WWOX: variants seen among roughly 807,000 people sequenced by gnomAD.
The protein encoded by WWOX is WW domain-containing oxidoreductase.
WWOX carries 69 observed loss-of-function variants against 46.2 expected under a neutral mutation model. The observed-to-expected ratio is 1.49, with a 90% confidence interval of 1.23 to 1.82. The LOEUF is 1.82. Ranked by LOEUF, WWOX falls within the 40% of genes most tolerant of loss-of-function variation. The pLI, the probability that WWOX is intolerant of heterozygous loss-of-function variation, is 0.00. For synonymous variants in WWOX, 359 were observed against 202.6 expected, an observed-to-expected ratio of 1.77 and a Z score of -6.56; for missense variants, 919 against 542.6, an observed-to-expected ratio of 1.69 and a Z score of -6.89.
Position 78,177,455 on chromosome 16 carries a change from C to T in WWOX, c.516+13166C>T, listed in dbSNP as rs558925139. ...TGACTCATGAAAGATGGTCTCCCCA[C>T]GTGCTTTAAAGCAGGATGGTTGCAG... On this transcript the variant is annotated intron_variant, in intron 5 of 8. Coordinates refer to ENST00000566780, the MANE Select transcript of WWOX (RefSeq NM_016373.4). Among the ~76,000 whole-genome samples, 9 of 152,278 alleles carry T rather than the reference C, an allele frequency of 5.9e-5. No homozygotes were observed. In the South Asian group the frequency reaches 1.0e-3, roughly 18 times the overall value.
chr16:78,460,862 T>C (rs372728593), intron 8 of WWOX, among the ~76,000 whole-genome samples: 1 of 152,360 alleles, frequency 6.6e-6, no homozygotes, highest in East Asian at 1.9e-4. Context: ...ACACATCACT[T>C]GCACCTCAGT....
chr16:79,123,387 A>T (rs1046813904), intron 8 of WWOX, among the ~76,000 whole-genome samples: 1 of 152,132 alleles, frequency 6.6e-6, no homozygotes, highest in Non-Finnish European at 1.5e-5. Context: ...ATACATTCGT[A>T]ACTCCCCAGG....
At chr16:78,321,787 G>A (rs1248161501) in intron 5 of WWOX, among the ~76,000 whole-genome samples, 1 of 152,168 alleles carries the variant, frequency 6.6e-6, no homozygotes, top group African/African-American at 2.4e-5. Flanking sequence ...GTCAGTGGCT[G>A]TCGTCTGTTA....
intron 8 of WWOX, among the ~76,000 whole-genome samples, chr16:79,077,692 T>A (rs945708337): frequency 3.3e-5 from 5 of 151,206 alleles, no homozygotes; most frequent in African/African-American, 7.3e-5. Flanking sequence ...TAGCATCTAA[T>A]GAAATACCAG....
At chr16:78,365,637 C>T (rs909394158) in intron 5 of WWOX, among the ~76,000 whole-genome samples, 5 of 152,198 alleles carry the variant, frequency 3.3e-5, no homozygotes, top group African/African-American at 9.7e-5. Context: ...AGACTGCCTA[C>T]CACCTTGTAT....
intron 8 of WWOX, among the ~76,000 whole-genome samples, chr16:79,061,737 T>G (rs745420727): frequency 1.3e-5 from 2 of 152,238 alleles, no homozygotes; most frequent in African/African-American, 2.4e-5. Flanking sequence ...GCTACTTCTC[T>G]TAGAGTCGTT....
chr16:78,638,748 T>G (rs943248287), intron 8 of WWOX, among the ~76,000 whole-genome samples: 1 of 152,182 alleles, frequency 6.6e-6, no homozygotes, highest in Admixed American at 6.5e-5. Flanking sequence ...CAGGGTGCTC[T>G]CTCTCTCTGG....
rs138676552 is a variant in WWOX at position 78,104,824 on chromosome 16, C to T, written c.108-3599C>T. Among the ~76,000 whole-genome samples, 49 of 152,202 alleles carry T rather than the reference C, an allele frequency of 3.2e-4. 1 individual carries two copies. The highest frequency in any genetic ancestry group is 1.2e-3 in the African/African-American group (48 of 41,510). ...GAAAGGTACAGTTCTTAGTTCTTCCCGTGTTAACTCACTCGGTTCTCTATA... is the reference window on the plus strand; with the variant it reads ...GAAAGGTACAGTTCTTAGTTCTTCCTGTGTTAACTCACTCGGTTCTCTATA... On this transcript the variant is annotated intron_variant, in intron 1 of 8. Coordinates refer to ENST00000566780, the MANE Select transcript of WWOX (RefSeq NM_016373.4).
chr16:78,701,299 A>T (rs1349722852), intron 8 of WWOX, among the ~76,000 whole-genome samples: 1 of 151,756 alleles, frequency 6.6e-6, no homozygotes, highest in Non-Finnish European at 1.5e-5. Flanking sequence ...CTGATCTCAA[A>T]CTCCTAAGCT....
chr16:79,086,159 C>T (rs959471830), intron 8 of WWOX, among the ~76,000 whole-genome samples: 4 of 152,068 alleles, frequency 2.6e-5, no homozygotes, highest in African/African-American at 9.7e-5. Context: ...AAACGGATCA[C>T]ATTGCCACTT....
chr16:78,624,501 C>T (rs2046264673), intron 8 of WWOX, among the ~76,000 whole-genome samples: 2 of 152,184 alleles, frequency 1.3e-5, no homozygotes, highest in South Asian at 2.1e-4. Context: ...ATCTTTCCCT[C>T]ACAGGACAAT....
intron 6 of WWOX, among the ~76,000 whole-genome samples, chr16:78,422,603 C>G (rs1229840914): frequency 7.0e-6 from 1 of 142,112 alleles, no homozygotes; most frequent in African/African-American, 2.5e-5. Context: ...GCCTTAGCCT[C>G]CCAAAGTGCT....
intron 8 of WWOX, among the ~76,000 whole-genome samples, chr16:78,519,306 G>A (rs563304144): frequency 6.6e-6 from 1 of 152,238 alleles, no homozygotes; most frequent in Admixed American, 6.5e-5. Context: ...TTGCTTTCCT[G>A]AAGGCAGTAA....
rs555239989 is a variant in WWOX, at chr16:78,162,362, G to A, written c.410-1821G>A. ...CTGCAGTTTTTAGCAGTTTTACTCT[G>A]ATGTGCCTTGCTTTGACATGTATGT... is the stretch of plus-strand genomic sequence containing the variant. On this transcript the variant is annotated intron_variant, in intron 4 of 8. Transcript: ENST00000566780. Among the ~76,000 whole-genome samples, 5 of 152,086 alleles carry A rather than the reference G, an allele frequency of 3.3e-5. 1 individual carries two copies. The East Asian group carries it at 9.7e-4, about 29-fold the overall frequency.
At chr16:78,796,221 T>A (rs1412370943) in intron 8 of WWOX, among the ~76,000 whole-genome samples, 1 of 152,200 alleles carries the variant, frequency 6.6e-6, no homozygotes, top group African/African-American at 2.4e-5. Flanking sequence ...AAGTAACAAT[T>A]AGTATAGACA....
intron 8 of WWOX, among the ~76,000 whole-genome samples, chr16:78,648,388 T>A (rs1239637785): frequency 1.3e-5 from 2 of 151,586 alleles, no homozygotes; most frequent in Admixed American, 6.6e-5. Flanking sequence ...TGGGGAAGAG[T>A]TTTTGTCAAG....
Position 79,054,263 on chromosome 16 carries a change from A to C in WWOX, c.1057-157345A>C, listed in dbSNP as rs562383687. ...AAAGGATTCATCAAGTGTCTATACG[A>C]TAGCTACTTAAATCGCTATTGTTTT... On this transcript the variant is annotated intron_variant, in intron 8 of 8. Transcript: ENST00000566780. Among the ~76,000 whole-genome samples the C allele has an allele frequency of 2.6e-5, 4 of 152,310 alleles. No homozygotes were observed. In the South Asian group the frequency reaches 8.3e-4, roughly 32 times the overall value.
intron 8 of WWOX, among the ~76,000 whole-genome samples, chr16:79,134,336 T>A (rs992455001): frequency 6.6e-6 from 1 of 151,942 alleles, no homozygotes; most frequent in Non-Finnish European, 1.5e-5. Context: ...AAAGGTGGAT[T>A]TATTGGAGAA....
At chr16:79,110,342 C>T (rs1417093081) in intron 8 of WWOX, among the ~76,000 whole-genome samples, 3 of 152,112 alleles carry the variant, frequency 2.0e-5, no homozygotes, top group East Asian at 3.9e-4. Flanking sequence ...TGCCAACCTC[C>T]CCCCATCATT....
Sources: gnomAD v4.1 joint callset for allele counts (sites outside exome capture counted in the v4.1 genomes callset) on GRCh38, gnomAD v4.1.1 for gene constraint, MANE v1.5 for transcripts, NCBI Gene and HGNC (gene_info 2026-07-23, HGNC 2026-07-21) for gene names.